The following HPN variants were observed in gnomAD, a reference collection of about 807,000 sequenced individuals.
HPN encodes the protein hepsin.
HPN carries 13 observed loss-of-function variants against 55.9 expected under a neutral mutation model. That is an observed-to-expected ratio of 0.23 (90% CI 0.15 to 0.37). The LOEUF (loss-of-function observed/expected upper bound fraction) is 0.37. Ranked by LOEUF, HPN falls within the 10% of genes least tolerant of loss-of-function variation. The pLI is 1.00. For synonymous variants in HPN, 225 were observed against 240.3 expected, an observed-to-expected ratio of 0.94 and a Z score of 0.59; for missense variants, 451 against 575.8, an observed-to-expected ratio of 0.78 and a Z score of 2.22.
intron 4 of HPN, among the ~76,000 whole-genome samples, chr19:35,051,367 C>A (rs1259431764): frequency 1.3e-5 from 2 of 152,196 alleles, no homozygotes; most frequent in African/African-American, 4.8e-5. Context: ...TCTCGGCCTC[C>A]CAAAGTGCTG....
chr19:35,059,295 TACAAAACAAA>T (rs112693522), intron 4 of HPN: 38 of 361,202 alleles, frequency 1.1e-4, no homozygotes, highest in African/African-American at 2.1e-4. Context: ...GACCCGTCTC[TACAAAACAAA>T]ACAAAACAAA....
upstream of HPN, among the ~76,000 whole-genome samples, chr19:35,041,513 G>T (rs982147056): frequency 3.3e-5 from 5 of 152,058 alleles, no homozygotes; most frequent in East Asian, 3.9e-4. Context: ...CCCAGCCTCC[G>T]GCCAGGCCTG....
At chr19:35,054,589 C>T (rs1286934177) in intron 4 of HPN, among the ~76,000 whole-genome samples, 2 of 152,162 alleles carry the variant, frequency 1.3e-5, no homozygotes, top group Non-Finnish European at 2.9e-5. Flanking sequence ...GGGGAAGTCT[C>T]TTGAGAGGCT....
Position 35,060,814 on chromosome 19 carries a change from A to T in HPN, c.808A>T (p.Thr270Ser), listed in dbSNP as rs747078707. 1.3e-6 allele frequency: 2 copies of T among 1,577,030 alleles called. No homozygotes were observed. Among genetic ancestry groups the T allele is most frequent in the Non-Finnish European group, 1.7e-6 (2 of 1,160,142 alleles). Reference protein sequence around the residue: ...LVHLSSPLPLTEYIQPVCLPA... With the variant: ...LVHLSSPLPLSEYIQPVCLPA... ...CCACCTCTCCAGTCCCCTGCCCCTC[A>T]CAGGTAAGTCTAAGGGCTGAGCCAT... Residue 270 changes from threonine to serine, a missense_variant, in exon 9 of 13, where the codon ACA becomes TCA. Transcript: ENST00000672452.
At position 35,065,815 on chromosome 19, in the gene HPN, G is replaced by C. The variant is rs1399973024; in HGVS notation, c.1051-53G>C. 4 of 1,605,352 alleles carry C rather than the reference G, an allele frequency of 2.5e-6. No individual in the cohort carries two copies. The African/African-American group carries it at 4.0e-5, about 16-fold the overall frequency. On this transcript the variant is annotated intron_variant, in intron 11 of 12. Transcript: ENST00000672452. ...CACAGCCCATGTCATCCCGGGGTGG[G>C]CCTCCTGTCCAACCACTTTGGCCTT...
intron 2 of HPN, among the ~76,000 whole-genome samples, chr19:35,044,405 T>C (rs943737122): frequency 5.3e-5 from 8 of 151,938 alleles, no homozygotes; most frequent in African/African-American, 1.7e-4. Flanking sequence ...ACGTAGCCAA[T>C]TGTGGTATTT....
intron 7 of HPN, 35 bp downstream of exon 7, chr19:35,060,204 G>GC (rs2064511880): frequency 6.2e-7 from 1 of 1,613,002 alleles, no homozygotes; most frequent in Non-Finnish European, 8.5e-7. Flanking sequence ...TCTCCTTTAG[G>GC]CCCTTGGGGA....
At chr19:35,062,544 C>A (rs1007459659) in intron 9 of HPN, among the ~76,000 whole-genome samples, 3 of 152,276 alleles carry the variant, frequency 2.0e-5, no homozygotes, top group Non-Finnish European at 2.9e-5. Context: ...CTCTCCAACA[C>A]ATACATCTTC....
chr19:35,065,644 G>A lies in HPN; in HGVS notation c.1013G>A (p.Cys338Tyr). 3 of 1,614,188 alleles carry A rather than the reference G, an allele frequency of 1.9e-6. No homozygotes were observed. Among genetic ancestry groups the A allele is most frequent in the Non-Finnish European group, 2.5e-6 (3 of 1,180,026 alleles). ...AACCAGATCAAGCCCAAGATGTTCT[G>A]TGCTGGCTACCCCGAGGGTGGCATT... ...YGNQIKPKMF[C>Y]AGYPEGGIDA... The change falls in exon 11 of 13, where the codon TGT becomes TAT. Residue 338 changes from cysteine (C) to tyrosine (Y), a missense_variant. Cys to Tyr is a radical substitution (Grantham distance 194). Coordinates refer to ENST00000672452, the MANE Select transcript of HPN (RefSeq NM_001384133.1).
chr19:35,062,059 TA>T (rs60291566), intron 9 of HPN, among the ~76,000 whole-genome samples: 127,689 of 150,498 alleles, frequency 0.85, 55,292 homozygotes, highest in Non-Finnish European at 0.93. Context: ...CCTTGTCTGT[TA>T]AAAAAAGAAG....
intron 9 of HPN, among the ~76,000 whole-genome samples, chr19:35,064,076 C>T (rs2064569622): frequency 6.6e-6 from 1 of 152,222 alleles, no homozygotes; most frequent in African/African-American, 2.4e-5. Context: ...TTTCTCACTA[C>T]AACTTCTGGG....
In HPN at chr19:35,060,763, G is replaced by A; in HGVS notation, c.757G>A (p.Glu253Lys). ...TCCCTTTCGGGACCCCAACAGCGAG[G>A]AGAACAGCAACGATATTGCCCTGGT... ...YLPFRDPNSEENSNDIALVHL... is the reference protein window; with the variant it reads ...YLPFRDPNSEKNSNDIALVHL... Residue 253 changes from glutamate to lysine, a missense_variant, in exon 9 of 13, where the codon GAG becomes AAG. Physicochemically the swap from Glu to Lys is moderately conservative, Grantham distance 56. Transcript: ENST00000672452. The A allele has an allele frequency of 3.7e-6, 6 of 1,612,592 alleles. No homozygotes were observed. The highest frequency in any genetic ancestry group is 5.1e-6 in the Non-Finnish European group (6 of 1,179,268).
intron 2 of HPN, among the ~76,000 whole-genome samples, chr19:35,044,165 G>A (rs531633824): frequency 9.8e-5 from 15 of 152,354 alleles, no homozygotes; most frequent in African/African-American, 3.4e-4. Context: ...AGGACTGGAC[G>A]GGGTTAGGGT....
intron 4 of HPN, among the ~76,000 whole-genome samples, chr19:35,052,673 G>A (rs1042394684): frequency 6.6e-6 from 1 of 152,088 alleles, no homozygotes; most frequent in African/African-American, 2.4e-5. Flanking sequence ...AGACTCTATG[G>A]CCTCTCACCC....
At chr19:35,048,024 G>GA (rs1452579116) in intron 2 of HPN, among the ~76,000 whole-genome samples, 20 of 65,096 alleles carry the variant, frequency 3.1e-4, no homozygotes, top group Admixed American at 8.3e-4. Flanking sequence ...GAGAGAGAGA[G>GA]AGAAAAAGAA....
intron 4 of HPN, among the ~76,000 whole-genome samples, chr19:35,056,856 A>G (rs1171731466): frequency 6.6e-6 from 1 of 152,096 alleles, no homozygotes; most frequent in Non-Finnish European, 1.5e-5. Flanking sequence ...AGCATATCCA[A>G]GGCTCTGACA....
chr19:35,047,622 C>T (rs1375839790), intron 2 of HPN, among the ~76,000 whole-genome samples: 1 of 150,510 alleles, frequency 6.6e-6, no homozygotes, highest in Non-Finnish European at 1.5e-5. Context: ...GGGTTATGTT[C>T]CCGGAACCTA....
At chr19:35,056,234 G>A (rs2064454113) in intron 4 of HPN, among the ~76,000 whole-genome samples, 2 of 151,956 alleles carry the variant, frequency 1.3e-5, no homozygotes, top group African/African-American at 4.8e-5. Context: ...CCCCTCCCTC[G>A]GTGGCATTTT....
At chr19:35,045,808 T>C (rs779959145) in intron 2 of HPN, among the ~76,000 whole-genome samples, 28 of 150,792 alleles carry the variant, frequency 1.9e-4, no homozygotes, top group African/African-American at 2.7e-4. Context: ...AGTAGAGACA[T>C]GCAGGGAGGA....
Sources: allele counts gnomAD v4.1 joint callset (sites outside exome capture counted in the v4.1 genomes callset), GRCh38; gene constraint gnomAD v4.1.1; transcripts MANE v1.5; gene names NCBI Gene and HGNC (gene_info 2026-07-23, HGNC 2026-07-21).